Variants in CENPF observed in about 807,000 individuals in gnomAD.
CENPF encodes the protein centromere protein F.
In CENPF, 214 loss-of-function variants were observed where a neutral mutation model predicts 307.3. The ratio of observed to expected loss-of-function variants is 0.70; its 90% CI spans 0.62 to 0.78. The LOEUF is 0.78. CENPF is among the 30% of genes least tolerant of loss of function. The pLI, the probability that CENPF is intolerant of heterozygous loss-of-function variation, is 0.00. For missense variants in CENPF, 3,401 were observed against 3,483.9 expected (o/e 0.98, Z 0.60); for synonymous variants, 1,259 against 1,270.6 (o/e 0.99, Z 0.19).
At chr1:214,623,892 A>G (rs1657581737) in intron 7 of CENPF, among the ~76,000 whole-genome samples, 1 of 152,190 alleles carries the variant, frequency 6.6e-6, no homozygotes, top group Admixed American at 6.5e-5. Flanking sequence ...GAATTATTTG[A>G]CTTTTAATAA....
At position 214,655,548 on chromosome 1, in the gene CENPF, T is replaced by C. The variant is rs554656726; in HGVS notation, c.8485+145T>C. On this transcript the variant is annotated intron_variant, in intron 17 of 19. Coordinates refer to ENST00000366955, the MANE Select transcript of CENPF (RefSeq NM_016343.4). Reference sequence around the variant, plus strand: ...TTTACCATTAATCCATTTTCCAATTTCTGAATTTTGTGCTTATCTTGGGAT... The same window carrying C: ...TTTACCATTAATCCATTTTCCAATTCCTGAATTTTGTGCTTATCTTGGGAT... 1.3e-4 allele frequency: 91 copies of C among 725,826 alleles called. No homozygotes were observed. In the East Asian group the frequency reaches 2.9e-3, roughly 23 times the overall value. The allele number at this position is 725,826 out of a possible 1,614,324, so 45.0% of individuals were successfully genotyped here.
chr1:214,613,254 C>T (rs1332000878), intron 1 of CENPF: 4 of 250,948 alleles, frequency 1.6e-5, no homozygotes, highest in Admixed American at 1.6e-4. Context: ...ATTATCATCC[C>T]TGTCCATCTT....
At chr1:214,629,972 A>T (rs566231249) in intron 8 of CENPF, among the ~76,000 whole-genome samples, 1 of 152,166 alleles carries the variant, frequency 6.6e-6, no homozygotes, top group Non-Finnish European at 1.5e-5. Flanking sequence ...GTATCTGCCA[A>T]TTTGGTTCTT....
intron 15 of CENPF, 147 bp downstream of exon 15, chr1:214,652,033 C>A: frequency 3.7e-6 from 2 of 536,834 alleles, no homozygotes; most frequent in South Asian, 6.6e-5. Context: ...ACTTCACGAT[C>A]TTTTCCCCAG....
At chr1:214,662,550 G>A (rs1658815392) in intron 19 of CENPF, among the ~76,000 whole-genome samples, 1 of 152,168 alleles carries the variant, frequency 6.6e-6, no homozygotes, top group Non-Finnish European at 1.5e-5. Context: ...GAGATCCCTG[G>A]AAGTCAGTTG....
rs186161680 is a variant in CENPF at position 214,625,111 on chromosome 1, A to G, written c.1068+2830A>G. On this transcript the variant is annotated intron_variant, in intron 7 of 19. Coordinates refer to ENST00000366955, the MANE Select transcript of CENPF (RefSeq NM_016343.4). ...CTCCAGCTTTCCTTTGATTGTTAGCATGATGTATTTCTTCCTCTTTACTTT... is the reference window on the plus strand; with the variant it reads ...CTCCAGCTTTCCTTTGATTGTTAGCGTGATGTATTTCTTCCTCTTTACTTT... 3.4e-3 allele frequency among the ~76,000 whole-genome samples: 524 copies of G among 152,200 alleles called. 2 individuals carry two copies. Among genetic ancestry groups the G allele is most frequent in the African/African-American group, 0.012 (493 of 41,534 alleles).
rs769077502 is a variant in CENPF, at chr1:214,645,403, G to A, written c.5833G>A (p.Val1945Ile). 3 of 1,613,912 alleles carry A rather than the reference G, an allele frequency of 1.9e-6. No homozygotes were observed. Among genetic ancestry groups the A allele is most frequent in the Non-Finnish European group, 1.7e-6 (2 of 1,179,942 alleles). ...LEKDNENKQKVIVCLEEELSV... is the reference protein window; with the variant it reads ...LEKDNENKQKIIVCLEEELSV... Reference sequence around the variant, plus strand: ...AAAAGACAATGAAAATAAGCAGAAGGTTATTGTCTGCCTTGAAGAAGAACT... The same window carrying A: ...AAAAGACAATGAAAATAAGCAGAAGATTATTGTCTGCCTTGAAGAAGAACT... Residue 1945 changes from valine to isoleucine, a missense_variant, in exon 13 of 20, where the codon GTT (valine) becomes ATT (isoleucine). Val to Ile is a conservative substitution (Grantham distance 29). Coordinates refer to ENST00000366955, the MANE Select transcript of CENPF (RefSeq NM_016343.4).
chr1:214,608,866 C>T, intron 1 of CENPF: 1 of 1,497,908 alleles, frequency 6.7e-7, no homozygotes, highest in Non-Finnish European at 8.8e-7. Context: ...GGCCAGGCCC[C>T]CACCGGGGCC....
At chr1:214,656,139 A>G (rs1322001859) in intron 17 of CENPF, among the ~76,000 whole-genome samples, 1 of 152,140 alleles carries the variant, frequency 6.6e-6, no homozygotes, top group African/African-American at 2.4e-5. Flanking sequence ...TGGGAGGCAT[A>G]TTTTTAGTTG....
intron 1 of CENPF, chr1:214,608,749 G>A (rs1297670896): frequency 1.9e-6 from 3 of 1,599,538 alleles, no homozygotes; most frequent in African/African-American, 1.3e-5. Context: ...GGTGGCCTCC[G>A]GCGGCAGGAA....
Position 214,645,622 on chromosome 1 carries a change from A to T in CENPF, c.6052A>T (p.Thr2018Ser). The T allele has an allele frequency of 6.2e-7, 1 of 1,614,190 alleles. No individual in the cohort carries two copies. Among genetic ancestry groups the T allele is most frequent in the Non-Finnish European group, 8.5e-7 (1 of 1,180,024 alleles). Residue 2018 changes from threonine to serine, a missense_variant, in exon 13 of 20, where the codon ACT (threonine) becomes TCT (serine). By Grantham distance (58) the Thr-to-Ser change is moderately conservative. Transcript: ENST00000366955. ...GAAGGAAAAGACGGAACTCCTTCAG[A>T]CTTTGTCCTCTGATGTGAGTGAGCT... ...EVKEKTELLQ[T>S]LSSDVSELLK...
At chr1:214,627,198 T>C (rs1657678569) in intron 7 of CENPF, among the ~76,000 whole-genome samples, 2 of 151,802 alleles carry the variant, frequency 1.3e-5, no homozygotes, top group African/African-American at 2.4e-5. Context: ...TAGCTGAGGC[T>C]ATAGGCGCCC....
At chr1:214,633,629 A>G (rs1204536846) in intron 10 of CENPF, among the ~76,000 whole-genome samples, 1 of 152,248 alleles carries the variant, frequency 6.6e-6, no homozygotes, top group Non-Finnish European at 1.5e-5. Flanking sequence ...AGAGTGTATC[A>G]TGATGGTAAA....
chr1:214,609,847 C>T lies in CENPF; in HGVS notation c.-41-3867C>T, dbSNP rs371791450. On this transcript the variant is annotated intron_variant, in intron 1 of 19. Transcript: ENST00000366955. ...AAGGATAATGGCCTCTAATTCCATC[C>T]ATGTTCCTGCAAAAAACCATGATCT... Among the ~76,000 whole-genome samples, 20 of 152,276 alleles carry T rather than the reference C, an allele frequency of 1.3e-4. No individual in the cohort carries two copies. The East Asian group carries it at 3.5e-3, about 26-fold the overall frequency.
intron 19 of CENPF, among the ~76,000 whole-genome samples, chr1:214,662,018 C>T (rs1328069025): frequency 6.6e-6 from 1 of 152,100 alleles, no homozygotes; most frequent in Admixed American, 6.5e-5. Context: ...AGTTTAAATT[C>T]TGATCACAAC....
Position 214,619,225 on chromosome 1 carries a change from G to C in CENPF, c.573+5G>C. The C allele has an allele frequency of 2.9e-6, 4 of 1,363,562 alleles. No individual in the cohort carries two copies. Among genetic ancestry groups the C allele is most frequent in the Non-Finnish European group, 4.2e-6 (4 of 961,834 alleles). The allele number at this position is 1,363,562 out of a possible 1,614,324, so 84.5% of individuals were successfully genotyped here. A position where few individuals can be genotyped will look rare whatever the true frequency, so the allele number is the denominator to read the frequency against. On this transcript the variant is annotated splice_donor_5th_base_variant and intron_variant, in intron 5 of 19. Transcript: ENST00000366955. Reference sequence around the variant, plus strand: ...GTTAAAGCCTTGCAGGCTAAAGTAAGTTAATTATGGGCCCTATAATAGAGT... The same window carrying C: ...GTTAAAGCCTTGCAGGCTAAAGTAACTTAATTATGGGCCCTATAATAGAGT...
intron 14 of CENPF, among the ~76,000 whole-genome samples, chr1:214,649,112 A>T (rs1287970712): frequency 6.6e-6 from 1 of 152,352 alleles, no homozygotes; most frequent in Non-Finnish European, 1.5e-5. Context: ...TTAACGCACA[A>T]CAGAAGTAGA....
chr1:214,620,084 C>T (rs1657464048), intron 5 of CENPF, among the ~76,000 whole-genome samples: 1 of 152,154 alleles, frequency 6.6e-6, no homozygotes, highest in African/African-American at 2.4e-5. Context: ...GCTGCATTCA[C>T]CTCCATGTCT....
At chr1:214,621,038 G>A (rs955703230) in intron 6 of CENPF, 92 bp downstream of exon 6, 9 of 1,271,856 alleles carry the variant, frequency 7.1e-6, no homozygotes, top group South Asian at 1.5e-5. Flanking sequence ...AAGTGCTTAT[G>A]TGTTTTGTTA....
Sources: allele counts gnomAD v4.1 joint callset (sites outside exome capture counted in the v4.1 genomes callset), GRCh38; gene constraint gnomAD v4.1.1; transcripts MANE v1.5; gene names NCBI Gene and HGNC (gene_info 2026-07-23, HGNC 2026-07-21).